Variants in SPRR2G observed in about 807,000 individuals in gnomAD.
SPRR2G encodes small proline-rich protein 2G.
SPRR2G carries 1 observed loss-of-function variant against 0.7 expected under a neutral mutation model. That is an observed-to-expected ratio of 1.49 (90% CI 0.53 to 7.06). SPRR2G has a LOEUF of 7.06. Among genes scored for constraint, SPRR2G ranks in the 30% most tolerant of loss-of-function variants. The pLI, the probability that SPRR2G is intolerant of heterozygous loss-of-function variation, is 0.14. For missense variants in SPRR2G, 96 were observed against 88.5 expected, an observed-to-expected ratio of 1.09 and a Z score of -0.34; for synonymous variants, 38 against 33.9, an observed-to-expected ratio of 1.12 and a Z score of -0.42.
At chr1:153,152,161 T>C (rs372585303), upstream of SPRR2G, among the ~76,000 whole-genome samples, 20 of 152,198 alleles carry the variant, frequency 1.3e-4, no homozygotes, top group African/African-American at 4.8e-4. Flanking sequence ...CTCTAAAATG[T>C]AGAAGAAATA....
the SPRR2G span, among the ~76,000 whole-genome samples, chr1:153,199,640 C>T: frequency 1.3e-5 from 2 of 152,268 alleles, no homozygotes; most frequent in African/African-American, 4.8e-5. Flanking sequence ...TGCAGCCTTC[C>T]TTCCTGCAGT....
At chr1:153,173,623 A>G in the SPRR2G span, among the ~76,000 whole-genome samples, 18 of 152,278 alleles carry the variant, frequency 1.2e-4, no homozygotes, top group African/African-American at 4.3e-4. Flanking sequence ...CTTACTTAGA[A>G]ACTATTTCCT....
At chr1:153,159,492 C>G in the SPRR2G span, among the ~76,000 whole-genome samples, 1 of 152,216 alleles carries the variant, frequency 6.6e-6, no homozygotes, top group Non-Finnish European at 1.5e-5. Context: ...CTGTCTTCTT[C>G]TGAGCCCTCC....
the SPRR2G span, among the ~76,000 whole-genome samples, chr1:153,158,602 G>T: frequency 1.3e-5 from 2 of 152,314 alleles, no homozygotes; most frequent in South Asian, 4.1e-4. Context: ...GAAGTCTGAA[G>T]GACAGTGGCC....
At chr1:153,159,282 C>T in the SPRR2G span, among the ~76,000 whole-genome samples, 1 of 152,224 alleles carries the variant, frequency 6.6e-6, no homozygotes, top group East Asian at 1.9e-4. Context: ...GAGCACCACA[C>T]ATCTCCAGGG....
the SPRR2G span, among the ~76,000 whole-genome samples, chr1:153,188,119 C>T: frequency 6.6e-6 from 1 of 152,180 alleles, no homozygotes; most frequent in Non-Finnish European, 1.5e-5. Context: ...AGCCAGAGCT[C>T]TCCTGTATGA....
At chr1:153,186,275 T>C in the SPRR2G span, among the ~76,000 whole-genome samples, 1 of 152,168 alleles carries the variant, frequency 6.6e-6, no homozygotes. Flanking sequence ...TCCTTGTTAA[T>C]TTTCTGTCTC....
chr1:153,183,794 C>T, the SPRR2G span, among the ~76,000 whole-genome samples: 2 of 152,180 alleles, frequency 1.3e-5, no homozygotes, highest in Non-Finnish European at 2.9e-5. Flanking sequence ...AGTCTTTGCA[C>T]ATGCCTATGT....
chr1:153,179,343 G>A, the SPRR2G span, among the ~76,000 whole-genome samples: 10 of 152,180 alleles, frequency 6.6e-5, 1 homozygote, highest in African/African-American at 1.9e-4. Context: ...AAGCTGACAC[G>A]TCAAAAGACC....
At chr1:153,200,761 G>T in the SPRR2G span, among the ~76,000 whole-genome samples, 1 of 150,148 alleles carries the variant, frequency 6.7e-6, no homozygotes, top group Admixed American at 6.7e-5. Flanking sequence ...GTGCAATGGC[G>T]TGATCTCTGC....
chr1:153,194,988 A>C, the SPRR2G span, among the ~76,000 whole-genome samples: 6 of 152,258 alleles, frequency 3.9e-5, no homozygotes, highest in South Asian at 1.0e-3. Flanking sequence ...TAAAGCATAA[A>C]AGTTTATCTC....
the SPRR2G span, among the ~76,000 whole-genome samples, chr1:153,196,191 T>C: frequency 6.6e-6 from 1 of 152,234 alleles, no homozygotes; most frequent in Non-Finnish European, 1.5e-5. Context: ...TACTTAATTA[T>C]TTTATGCCTG....
Position 153,149,966 on chromosome 1 carries a change from G to T in SPRR2G, c.145C>A (p.Pro49Thr), listed in dbSNP as rs780806912. The T allele has an allele frequency of 6.2e-7, 1 of 1,614,096 alleles. No individual in the cohort carries two copies. The highest frequency in any genetic ancestry group is 1.7e-5 in the Admixed American group (1 of 60,028). ...PPCPPEHCPP[P>T]PCQDKCPPVQ... ...GGAGGGCATTTATCCTGGCATGGTG[G>T]AGGTGGGCAATGCTCAGGTGGACAA... The change falls in exon 2 of 2, where the codon CCA becomes ACA. Residue 49 changes from proline to threonine, a missense_variant. Pro to Thr is a conservative substitution (Grantham distance 38, BLOSUM62 -1). Coordinates refer to ENST00000368748, the MANE Select transcript of SPRR2G (RefSeq NM_001014291.4).
At chr1:153,181,411 C>T in the SPRR2G span, among the ~76,000 whole-genome samples, 7 of 152,148 alleles carry the variant, frequency 4.6e-5, no homozygotes, top group Admixed American at 2.6e-4. Flanking sequence ...GTGGTGAGTA[C>T]ATTTCAGTTC....
the SPRR2G span, among the ~76,000 whole-genome samples, chr1:153,187,044 T>C: frequency 7.9e-5 from 12 of 152,356 alleles, no homozygotes; most frequent in Non-Finnish European, 1.2e-4. Context: ...TCTTCTGGCA[T>C]GTAGGGTTTC....
At chr1:153,175,193 C>T in the SPRR2G span, among the ~76,000 whole-genome samples, 3 of 152,132 alleles carry the variant, frequency 2.0e-5, no homozygotes, top group Non-Finnish European at 4.4e-5. Context: ...TTGGACTAAT[C>T]GTAAGAACCT....
At chr1:153,188,822 C>T in the SPRR2G span, among the ~76,000 whole-genome samples, 2 of 152,296 alleles carry the variant, frequency 1.3e-5, no homozygotes, top group African/African-American at 4.8e-5. Context: ...CGAGGGAATA[C>T]CCTGGTCTGT....
At chr1:153,150,915 T>C, upstream of SPRR2G, 1 of 152,440 alleles carries the variant, frequency 6.6e-6, no homozygotes, top group East Asian at 1.9e-4. Flanking sequence ...GGAGAGTCCT[T>C]TTATAAGGGG....
At chr1:153,195,881 G>A in the SPRR2G span, among the ~76,000 whole-genome samples, 1 of 151,978 alleles carries the variant, frequency 6.6e-6, no homozygotes, top group Non-Finnish European at 1.5e-5. Flanking sequence ...CAACTCTCAT[G>A]AGCAACAAGG....
Sources: gnomAD v4.1 joint callset for allele counts (sites outside exome capture counted in the v4.1 genomes callset) on GRCh38, gnomAD v4.1.1 for gene constraint, MANE v1.5 for transcripts, NCBI Gene and HGNC (gene_info 2026-07-23, HGNC 2026-07-21) for gene names.